The following PIAS2 variants were observed in gnomAD, a reference collection of about 807,000 sequenced individuals.
PIAS2 encodes protein inhibitor of activated STAT 2, also known as E3 SUMO-protein ligase PIAS2.
In PIAS2, 19 loss-of-function variants were observed where a neutral mutation model predicts 69.7. That is an observed-to-expected ratio of 0.27 (90% CI 0.19 to 0.40). The LOEUF is 0.40. PIAS2 is among the 10% of genes least tolerant of loss of function. PIAS2 has a pLI of 1.00. For synonymous variants in PIAS2, 261 were observed against 263.2 expected (o/e 0.99, Z 0.08); for missense variants, 624 against 757.0 (o/e 0.82, Z 2.06).
intron 11 of PIAS2, among the ~76,000 whole-genome samples, chr18:46,822,877 AC>A (rs1401437710): frequency 6.6e-6 from 1 of 152,142 alleles, no homozygotes; most frequent in Non-Finnish European, 1.5e-5. Flanking sequence ...AAAAATGTTA[AC>A]AGGCAGGCTT....
intron 2 of PIAS2, among the ~76,000 whole-genome samples, chr18:46,883,963 A>G (rs955620273): frequency 3.3e-5 from 5 of 152,176 alleles, no homozygotes; most frequent in Non-Finnish European, 5.9e-5. Flanking sequence ...ATGCCACTGT[A>G]CTCCAGCCTG....
At chr18:46,816,940 T>C in intron 12 of PIAS2, 1 of 935,730 alleles carries the variant, frequency 1.1e-6, no homozygotes, top group Non-Finnish European at 1.3e-6. Flanking sequence ...TAATATTCAA[T>C]AAATCCTCTC....
chr18:46,908,552 CAAAAACA>C (rs2056893276), intron 1 of PIAS2, among the ~76,000 whole-genome samples: 5 of 148,652 alleles, frequency 3.4e-5, no homozygotes, highest in Admixed American at 3.3e-4. Flanking sequence ...AAAAAAAAAA[CAAAAACA>C]AAAAACAAAA....
chr18:46,805,142 T>A lies in PIAS2; in HGVS notation c.*7291A>T, dbSNP rs992797294. 2.0e-5 allele frequency: 3 copies of A among 152,206 alleles called. No homozygotes were observed. The highest frequency in any genetic ancestry group is 4.4e-5 in the Non-Finnish European group (3 of 68,058). 9.4% of individuals were successfully genotyped at this position (152,206 alleles called of 1,614,324 possible). On this transcript the variant is annotated 3_prime_UTR_variant, in exon 14 of 14. Coordinates refer to ENST00000585916, the MANE Select transcript of PIAS2 (RefSeq NM_004671.5). ...AGGAAGTGGCCTGAAAAGAGGGCAA[T>A]AACATTTGTTATAACTGATGAGAAT...
upstream of PIAS2, chr18:46,917,752 G>T: frequency 5.3e-6 from 1 of 187,048 alleles, no homozygotes; most frequent in Non-Finnish European, 1.0e-5. Context: ...TTATCCGCGG[G>T]CCTGGCCTCG....
chr18:46,846,967 AT>A, intron 5 of PIAS2, 126 bp from the exon 6 acceptor site: 5 of 754,670 alleles, frequency 6.6e-6, no homozygotes, highest in Non-Finnish European at 9.4e-6. Context: ...TAAAAATCAT[AT>A]AGCCCTTATG....
chr18:46,905,521 G>A (rs1159278801), intron 1 of PIAS2, among the ~76,000 whole-genome samples: 1 of 151,776 alleles, frequency 6.6e-6, no homozygotes, highest in Non-Finnish European at 1.5e-5. Context: ...ACACTAAAGA[G>A]CATAAACAAT....
intron 12 of PIAS2, chr18:46,816,111 CTCTT>C (rs1047502420): frequency 2.0e-6 from 2 of 984,902 alleles, no homozygotes; most frequent in South Asian, 9.4e-5. Context: ...TGACTAAACT[CTCTT>C]TAATTATTTC....
intron 12 of PIAS2, chr18:46,817,013 T>C: frequency 1.1e-6 from 1 of 930,202 alleles, no homozygotes. Context: ...AGTTTTGCAT[T>C]TTCAATATTT....
intron 1 of PIAS2, among the ~76,000 whole-genome samples, chr18:46,893,899 G>A (rs139644913): frequency 5.9e-5 from 9 of 152,180 alleles, no homozygotes; most frequent in African/African-American, 1.9e-4. Context: ...GGCAAGGCGG[G>A]TGGATCATTT....
intron 1 of PIAS2, 61 bp downstream of exon 1, chr18:46,917,261 G>T: frequency 7.0e-7 from 1 of 1,431,980 alleles, no homozygotes; most frequent in Non-Finnish European, 9.3e-7. Flanking sequence ...GCGACGTTGC[G>T]GTTTCCCCAC....
At chr18:46,876,240 A>G (rs970767505) in intron 2 of PIAS2, among the ~76,000 whole-genome samples, 1 of 152,242 alleles carries the variant, frequency 6.6e-6, no homozygotes, top group Admixed American at 6.5e-5. Flanking sequence ...AGGATTGTAT[A>G]ACAAGAGATA....
chr18:46,887,259 G>GA (rs5824641), intron 2 of PIAS2, among the ~76,000 whole-genome samples: 6,349 of 124,094 alleles, frequency 0.051, 254 homozygotes, highest in African/African-American at 0.13. Flanking sequence ...GCAAAAAATT[G>GA]AAAAAAAAAA....
At chr18:46,893,767 G>A (rs2054424159) in intron 1 of PIAS2, among the ~76,000 whole-genome samples, 1 of 152,066 alleles carries the variant, frequency 6.6e-6, no homozygotes, top group Non-Finnish European at 1.5e-5. Context: ...TTTGGACCCT[G>A]GGAAAGTCAT....
chr18:46,881,645 T>C (rs528868287), intron 2 of PIAS2, among the ~76,000 whole-genome samples: 2 of 152,296 alleles, frequency 1.3e-5, no homozygotes, highest in South Asian at 2.1e-4. Context: ...CTCCATTCAT[T>C]AGGCCAATGC....
intron 1 of PIAS2, among the ~76,000 whole-genome samples, chr18:46,910,159 AAAATAAAT>A (rs891806142): frequency 6.6e-6 from 1 of 152,090 alleles, no homozygotes; most frequent in African/African-American, 2.4e-5. Flanking sequence ...TCCGTCTCAA[AAAATAAAT>A]AAATAAATAA....
At position 46,806,877 on chromosome 18, in the gene PIAS2, A is replaced by G. The variant is rs1384794259; in HGVS notation, c.*5556T>C. On this transcript the variant is annotated 3_prime_UTR_variant, in exon 14 of 14. Transcript: ENST00000585916. ...TGAGAACACAAAATAAAGCTTTTTA[A>G]AAAAGCCATTCAGAAATAGGAAGCA... The G allele has an allele frequency of 2.0e-5, 3 of 152,208 alleles. No homozygotes were observed. Among genetic ancestry groups the G allele is most frequent in the African/African-American group, 7.2e-5 (3 of 41,446 alleles). 9.4% of individuals were successfully genotyped at this position (152,208 alleles called of 1,614,324 possible). A position where few individuals can be genotyped will look rare whatever the true frequency, so the allele number is the denominator to read the frequency against.
chr18:46,844,475 ATTGT>A (rs1301161642), intron 7 of PIAS2, among the ~76,000 whole-genome samples: 2 of 152,122 alleles, frequency 1.3e-5, no homozygotes, highest in South Asian at 2.1e-4. Context: ...ATTATGCACT[ATTGT>A]TTGTTTCCAA....
intron 2 of PIAS2, among the ~76,000 whole-genome samples, chr18:46,869,579 C>T (rs2050013136): frequency 6.6e-6 from 1 of 152,132 alleles, no homozygotes; most frequent in African/African-American, 2.4e-5. Flanking sequence ...ATGGGAAACA[C>T]CCCACGTAAG....
Sources: gnomAD v4.1 joint callset for allele counts (sites outside exome capture counted in the v4.1 genomes callset) on GRCh38, gnomAD v4.1.1 for gene constraint, MANE v1.5 for transcripts, NCBI Gene and HGNC (gene_info 2026-07-23, HGNC 2026-07-21) for gene names.